The following ADGRB3 variants were observed in gnomAD, a reference collection of about 807,000 sequenced individuals.
ADGRB3 encodes adhesion G protein-coupled receptor B3.
ADGRB3 carries 37 observed loss-of-function variants against 193.4 expected under a neutral mutation model. The observed-to-expected ratio is 0.19, with a 90% confidence interval of 0.15 to 0.25. The LOEUF is 0.25. Among genes scored for constraint, ADGRB3 ranks in the 10% least tolerant of loss-of-function variants. The pLI is 1.00. For missense variants in ADGRB3, 1,637 were observed against 1,852.9 expected (o/e 0.88, Z 2.14); for synonymous variants, 690 against 644.2 (o/e 1.07, Z -1.08).
chr6:68,733,824 A>G lies in ADGRB3; in HGVS notation c.757+94392A>G, dbSNP rs537627844. 7.2e-4 allele frequency among the ~76,000 whole-genome samples: 109 copies of G among 152,108 alleles called. 1 individual carries two copies. Among genetic ancestry groups the G allele is most frequent in the African/African-American group, 2.5e-3 (103 of 41,550 alleles). ...CGTAAGAATGTACATGTAAAATGTA[A>G]TGTACGTGTAAGAATGTACATGACA... On this transcript the variant is annotated intron_variant, in intron 3 of 31. Transcript: ENST00000370598.
In ADGRB3 at chr6:68,858,274, G is replaced by A. The variant is rs553383299; in HGVS notation, c.758-72285G>A. ...AATCCCAGCACTTTGGGAGGCCAAG[G>A]CGGGTGGATCACAAGGTCAGGAGTT... is the stretch of plus-strand genomic sequence containing the variant. On this transcript the variant is annotated intron_variant, in intron 3 of 31. Coordinates refer to ENST00000370598, the MANE Select transcript of ADGRB3 (RefSeq NM_001704.3). 2.6e-5 allele frequency among the ~76,000 whole-genome samples: 4 copies of A among 152,252 alleles called. No individual in the cohort carries two copies. In the South Asian group the frequency reaches 6.2e-4, roughly 24 times the overall value.
In ADGRB3 at chr6:68,790,163, A is replaced by T. The variant is rs182069232; in HGVS notation, c.758-140396A>T. On this transcript the variant is annotated intron_variant, in intron 3 of 31. Transcript: ENST00000370598. The stretch of plus-strand genomic sequence containing the variant: ...CTTCTTCTCTCAACTTGTCAAAGTC[A>T]TTTTCCTTATCACCAGGGTATCCTT... Among the ~76,000 whole-genome samples, 183 of 152,158 alleles carry T rather than the reference A, an allele frequency of 1.2e-3. 1 individual carries two copies. The highest frequency in any genetic ancestry group is 4.3e-3 in the African/African-American group (177 of 41,490).
chr6:69,183,831 T>C (rs1464657946), intron 17 of ADGRB3, among the ~76,000 whole-genome samples: 1 of 152,094 alleles, frequency 6.6e-6, no homozygotes, highest in East Asian at 1.9e-4. Context: ...AACTCATTTT[T>C]ATGGAAGAAA....
At chr6:69,293,389 A>G (rs1336783000) in intron 20 of ADGRB3, among the ~76,000 whole-genome samples, 3 of 152,106 alleles carry the variant, frequency 2.0e-5, no homozygotes, top group Non-Finnish European at 4.4e-5. Context: ...CTGTCTGGGA[A>G]CTAAAAGGAT....
At position 69,150,987 on chromosome 6, in the gene ADGRB3, A is replaced by G. The variant is rs1328079277; in HGVS notation, c.2480+74949A>G. On this transcript the variant is annotated intron_variant, in intron 17 of 31. Coordinates refer to ENST00000370598, the MANE Select transcript of ADGRB3 (RefSeq NM_001704.3). ...TGAGCTAGCATCCAAGTTGCAAAAC[A>G]AAGTCCACATTATGCTTTCTTCTCA... 3.9e-5 allele frequency among the ~76,000 whole-genome samples: 6 copies of G among 152,344 alleles called. No homozygotes were observed. In the South Asian group the frequency reaches 1.0e-3, roughly 26 times the overall value.
Position 69,383,743 on chromosome 6 carries a change from C to A in ADGRB3, c.4380+808C>A, listed in dbSNP as rs948411853. ...TCCGTCATTACAACACTTTCAAAAG[C>A]AAGTAGGTTAAGAAGCACCTTATAG... is the stretch of plus-strand genomic sequence containing the variant. On this transcript the variant is annotated intron_variant, in intron 31 of 31. Transcript: ENST00000370598. 5.3e-5 allele frequency among the ~76,000 whole-genome samples: 8 copies of A among 152,060 alleles called. No individual in the cohort carries two copies. The South Asian group carries it at 6.2e-4, about 12-fold the overall frequency.
chr6:68,729,611 G>A (rs1276194342), intron 3 of ADGRB3, among the ~76,000 whole-genome samples: 1 of 151,410 alleles, frequency 6.6e-6, no homozygotes, highest in Non-Finnish European at 1.5e-5. Flanking sequence ...CCACTTTTGG[G>A]TCCTATAAGA....
At chr6:69,093,244 G>A (rs75439868) in intron 17 of ADGRB3, among the ~76,000 whole-genome samples, 2,890 of 151,592 alleles carry the variant, frequency 0.019, 52 homozygotes, top group Non-Finnish European at 0.032. Flanking sequence ...CCTGCGTCCA[G>A]GGAATTGAGG....
At chr6:68,780,433 G>A (rs1246590281) in intron 3 of ADGRB3, among the ~76,000 whole-genome samples, 2 of 152,014 alleles carry the variant, frequency 1.3e-5, no homozygotes, top group African/African-American at 4.8e-5. Context: ...GAAACTCATG[G>A]CCAAATGAGG....
intron 8 of ADGRB3, among the ~76,000 whole-genome samples, chr6:68,962,706 T>C (rs907160105): frequency 3.3e-5 from 5 of 152,204 alleles, no homozygotes; most frequent in African/African-American, 1.2e-4. Context: ...TTAACAATTA[T>C]TTTAAATTAA....
intron 3 of ADGRB3, among the ~76,000 whole-genome samples, chr6:68,701,161 AC>A (rs34266946): frequency 0.35 from 52,685 of 151,976 alleles, 10,014 homozygotes; most frequent in East Asian, 0.59. Flanking sequence ...GAAAGTTGCC[AC>A]TATGAAACTG....
chr6:68,771,385 T>C (rs552810030), intron 3 of ADGRB3, among the ~76,000 whole-genome samples: 398 of 148,120 alleles, frequency 2.7e-3, no homozygotes, highest in South Asian at 0.01. Context: ...AGGGAATATA[T>C]ACACACACAC....
At chr6:69,028,706 A>G (rs911494521) in intron 13 of ADGRB3, among the ~76,000 whole-genome samples, 1 of 152,074 alleles carries the variant, frequency 6.6e-6, no homozygotes, top group Non-Finnish European at 1.5e-5. Flanking sequence ...CGTTGTCAAT[A>G]CTCTTTCTTG....
At chr6:68,820,798 A>C (rs1767735062) in intron 3 of ADGRB3, among the ~76,000 whole-genome samples, 1 of 152,042 alleles carries the variant, frequency 6.6e-6, no homozygotes, top group African/African-American at 2.4e-5. Context: ...CTTTTTTAGA[A>C]TCTTTTGTGT....
intron 17 of ADGRB3, among the ~76,000 whole-genome samples, chr6:69,088,793 A>G (rs1025437372): frequency 1.3e-5 from 2 of 152,266 alleles, no homozygotes; most frequent in African/African-American, 4.8e-5. Flanking sequence ...GGAGGAATTC[A>G]TAATTCAGGC....
intron 13 of ADGRB3, among the ~76,000 whole-genome samples, chr6:69,039,742 CTT>C (rs34543678): frequency 4.6e-5 from 6 of 130,210 alleles, no homozygotes; most frequent in African/African-American, 5.8e-5. Flanking sequence ...TTGTTTTTTT[CTT>C]TTTTTTTTTT....
intron 3 of ADGRB3, among the ~76,000 whole-genome samples, chr6:68,819,794 A>T (rs779437460): frequency 2.6e-5 from 4 of 152,116 alleles, no homozygotes; most frequent in Non-Finnish European, 5.9e-5. Flanking sequence ...AAATTAAAAA[A>T]CAACCACTTT....
chr6:69,201,109 T>C (rs555313227), intron 17 of ADGRB3, among the ~76,000 whole-genome samples: 10 of 152,290 alleles, frequency 6.6e-5, no homozygotes, highest in African/African-American at 2.4e-4. Flanking sequence ...CCTGGTTCTT[T>C]AGATGCTTCT....
chr6:68,912,194 CA>C (rs1349962591), intron 3 of ADGRB3, among the ~76,000 whole-genome samples: 1 of 151,524 alleles, frequency 6.6e-6, no homozygotes, highest in Admixed American at 6.6e-5. Flanking sequence ...TAGAGGACAC[CA>C]AAATTAATGC....
Sources: gnomAD v4.1 joint callset for allele counts (sites outside exome capture counted in the v4.1 genomes callset) on GRCh38, gnomAD v4.1.1 for gene constraint, MANE v1.5 for transcripts, NCBI Gene and HGNC (gene_info 2026-07-23, HGNC 2026-07-21) for gene names.